The following ITGAD variants were observed in gnomAD, a reference collection of about 807,000 sequenced individuals.
ITGAD encodes the protein integrin alpha-D.
ITGAD carries 105 observed loss-of-function variants against 139.0 expected under a neutral mutation model. The ratio of observed to expected loss-of-function variants is 0.76; its 90% CI spans 0.65 to 0.89. The LOEUF is 0.89. Ranked by LOEUF, ITGAD falls within the 40% of genes least tolerant of loss-of-function variation. The probability of loss-of-function intolerance (pLI) is 0.00; values close to 1 mark genes in which losing one functional copy is unlikely to be tolerated. For missense variants in ITGAD, 1,384 were observed against 1,487.3 expected (o/e 0.93, Z 1.14); for synonymous variants, 569 against 598.3 (o/e 0.95, Z 0.71).
Position 31,403,765 on chromosome 16 carries a change from A to C in ITGAD, c.704+120A>C. On this transcript the variant is annotated intron_variant, in intron 7 of 29. Coordinates refer to ENST00000389202, the MANE Select transcript of ITGAD (RefSeq NM_005353.3). This position sits in a 1 kb window ranked among gnomAD's most constrained non-coding sequence, Gnocchi z 4.4. ...CCAGGGAAAGGGGCTACCAAGGGGC[A>C]TGTCGGGGCTGCAGGGAGAACCTCC... 1 of 1,309,018 alleles carries C rather than the reference A, an allele frequency of 7.6e-7. No individual in the cohort carries two copies. The highest frequency in any genetic ancestry group is 2.4e-5 in the East Asian group (1 of 42,552). 81.1% of individuals were successfully genotyped at this position (1,309,018 alleles called of 1,614,324 possible). A position where few individuals can be genotyped will look rare whatever the true frequency, so the allele number is the denominator to read the frequency against.
Position 31,411,214 on chromosome 16 carries a change from G to A in ITGAD, c.1495G>A (p.Gly499Arg). ...GQVSVCPLPR[G>R]RVQWQCDAVL... ...GGTGTCCGTGTGTCCCTTGCCTAGG[G>A]GGGTGAGTGGCTGATGGGACCTAGG... Residue 499 changes from glycine to arginine, a missense_variant and splice_region_variant, in exon 13 of 30, where the codon GGG becomes AGG. Coordinates refer to ENST00000389202, the MANE Select transcript of ITGAD (RefSeq NM_005353.3). 1.2e-6 allele frequency: 2 copies of A among 1,613,324 alleles called. No individual in the cohort carries two copies. Among genetic ancestry groups the A allele is most frequent in the Non-Finnish European group, 8.5e-7 (1 of 1,179,550 alleles).
At chr16:31,398,033 G>A (rs2081315699) in intron 5 of ITGAD, 124 bp downstream of exon 5, 1 of 668,098 alleles carries the variant, frequency 1.5e-6, no homozygotes. Flanking sequence ...TAGGAGAGAA[G>A]CCAGGAGAAG....
chr16:31,407,365 C>T (rs2081564090), intron 7 of ITGAD, 150 bp from the exon 8 acceptor site: 1 of 754,442 alleles, frequency 1.3e-6, no homozygotes, highest in Non-Finnish European at 2.1e-6. Context: ...CAAAAGAAAA[C>T]CCAAAACGGC....
At chr16:31,423,989 C>G (rs1388871552) in intron 27 of ITGAD, 31 bp downstream of exon 27, 2 of 1,610,366 alleles carry the variant, frequency 1.2e-6, no homozygotes, top group Non-Finnish European at 1.7e-6. Flanking sequence ...AGCCCCTGCC[C>G]CAGACTCAGG....
chr16:31,410,488 T>C lies in ITGAD; in HGVS notation c.1177T>C (p.Ser393Pro). The C allele has an allele frequency of 3.1e-6, 5 of 1,613,566 alleles. No homozygotes were observed. The highest frequency in any genetic ancestry group is 4.2e-6 in the Non-Finnish European group (5 of 1,179,860). ...TATGAGCCCCACCTTCATCAACATG[T>C]CTCAGGAGAATGTGGACATGAGGGA... ...PNMSPTFINM[S>P]QENVDMRDSY... The change falls in exon 11 of 30, where the codon TCT becomes CCT. Residue 393 changes from serine to proline, a missense_variant. Physicochemically the swap from Ser to Pro is moderately conservative, Grantham distance 74. Transcript: ENST00000389202.
chr16:31,418,580 C>T lies in ITGAD; in HGVS notation c.2780+16C>T. The stretch of plus-strand genomic sequence containing the variant: ...TGATCAGCAGGTGCCCAGTCCCTGG[C>T]CTTCCCCTTGGACCTCTGGCCTTCC... On this transcript the variant is annotated intron_variant, in intron 23 of 29. Transcript: ENST00000389202. 1 of 1,604,420 alleles carries T rather than the reference C, an allele frequency of 6.2e-7. No homozygotes were observed. The highest frequency in any genetic ancestry group is 8.5e-7 in the Non-Finnish European group (1 of 1,171,182).
In ITGAD at chr16:31,413,229, G is replaced by T. The variant is rs571120150; in HGVS notation, c.1979G>T (p.Ser660Ile). ...DATVCLTIQK[S>I]SLDQLGDIQS... ...ACCGTCTGTCTCACCATCCAGAAAAGCTCACTGGACCAGCTAGGTGTGTTT... is the reference window on the plus strand; with the variant it reads ...ACCGTCTGTCTCACCATCCAGAAAATCTCACTGGACCAGCTAGGTGTGTTT... Residue 660 changes from serine (S) to isoleucine (I), a missense_variant, in exon 16 of 30, where the codon AGC becomes ATC. Transcript: ENST00000389202. 24 of 1,614,112 alleles carry T rather than the reference G, an allele frequency of 1.5e-5. No homozygotes were observed. The Admixed American group carries it at 3.3e-4, about 22-fold the overall frequency.
chr16:31,404,738 G>A (rs1051300748), intron 7 of ITGAD: 2 of 152,218 alleles, frequency 1.3e-5, no homozygotes, highest in African/African-American at 4.8e-5. Context: ...GCCCATCTCA[G>A]GGCTGGACTC....
chr16:31,397,853 G>A lies in ITGAD; in HGVS notation c.371G>A (p.Cys124Tyr). 6.2e-7 allele frequency: 1 copy of A among 1,613,766 alleles called. No individual in the cohort carries two copies. The highest frequency in any genetic ancestry group is 1.3e-5 in the African/African-American group (1 of 75,048). Residue 124 changes from cysteine (C) to tyrosine (Y), a missense_variant, in exon 5 of 30, where the codon TGC (cysteine) becomes TAC (tyrosine). Cys to Tyr is a radical substitution (Grantham distance 194, BLOSUM62 -2). Coordinates refer to ENST00000389202, the MANE Select transcript of ITGAD (RefSeq NM_005353.3). ...CGENSYSKGS[C>Y]LLLGSRWEII... ...GAGAACTCATACTCAAAGGGTTCCT[G>A]CCTCCTGCTGGGCTCGCGCTGGGAG... is the stretch of plus-strand genomic sequence containing the variant.
intron 20 of ITGAD, 29 bp downstream of exon 20, chr16:31,416,675 G>A (rs1016070466): frequency 1.1e-5 from 17 of 1,585,526 alleles, no homozygotes; most frequent in Non-Finnish European, 1.5e-5. Context: ...TCTAGTGGGA[G>A]GGGGCCTCTC....
At position 31,411,082 on chromosome 16, in the gene ITGAD, T is replaced by G; in HGVS notation, c.1363T>G (p.Ser455Ala). 6.2e-7 allele frequency: 1 copy of G among 1,612,138 alleles called. No individual in the cohort carries two copies. Among genetic ancestry groups the G allele is most frequent in the Non-Finnish European group, 8.5e-7 (1 of 1,179,766 alleles). ...KAEVTGTQIG[S>A]YFGASLCSVD... ...CCCAGGCTCTGCCCTCCAGATCGGCTCCTACTTCGGGGCCTCCCTCTGCTC... is the reference window on the plus strand; with the variant it reads ...CCCAGGCTCTGCCCTCCAGATCGGCGCCTACTTCGGGGCCTCCCTCTGCTC... The change falls in exon 13 of 30, where the codon TCC becomes GCC. Residue 455 changes from serine to alanine, a missense_variant. Ser to Ala is a moderately conservative substitution (Grantham distance 99). Coordinates refer to ENST00000389202, the MANE Select transcript of ITGAD (RefSeq NM_005353.3).
Position 31,414,474 on chromosome 16 carries a change from T to C in ITGAD, c.2020T>C (p.Phe674Leu), listed in dbSNP as rs866616960. 4 of 1,614,224 alleles carry C rather than the reference T, an allele frequency of 2.5e-6. No homozygotes were observed. The Middle Eastern group carries it at 4.9e-4, about 200-fold the overall frequency. Residue 674 changes from phenylalanine to leucine, a missense_variant, in exon 17 of 30, where the codon TTT (phenylalanine) becomes CTT (leucine). Physicochemically the swap from Phe to Leu is conservative, Grantham distance 22 (BLOSUM62 0). Coordinates refer to ENST00000389202, the MANE Select transcript of ITGAD (RefSeq NM_005353.3). ...QLGDIQSSVRFDLALDPGRLT... is the reference protein window; with the variant it reads ...QLGDIQSSVRLDLALDPGRLT... ...AGGTGACATCCAAAGCTCTGTCAGGTTTGATCTGGCACTGGACCCAGGTCG... is the reference window on the plus strand; with the variant it reads ...AGGTGACATCCAAAGCTCTGTCAGGCTTGATCTGGCACTGGACCCAGGTCG...
intron 5 of ITGAD, 97 bp from the exon 6 acceptor site, chr16:31,402,018 G>A (rs905835545): frequency 2.9e-6 from 4 of 1,397,302 alleles, no homozygotes; most frequent in South Asian, 1.3e-5. Context: ...ACTAGGTGGG[G>A]ATGCCAAGAA....
Position 31,407,431 on chromosome 16 carries a change from C to A in ITGAD, c.705-84C>A. On this transcript the variant is annotated intron_variant, in intron 7 of 29. Coordinates refer to ENST00000389202, the MANE Select transcript of ITGAD (RefSeq NM_005353.3). The stretch of plus-strand genomic sequence containing the variant: ...TGTGAGGGTGCCAGGACTCCCCAGC[C>A]TCTCCAGATGAGAGGACTGCAAATG... The A allele has an allele frequency of 3.0e-6, 4 of 1,327,662 alleles. No individual in the cohort carries two copies. The Admixed American group carries it at 6.9e-5, about 23-fold the overall frequency. The allele number at this position is 1,327,662 out of a possible 1,614,324, so 82.2% of individuals were successfully genotyped here.
At position 31,423,687 on chromosome 16, in the gene ITGAD, C is replaced by A. The variant is rs192938535; in HGVS notation, c.3045+39C>A. 1.8e-5 allele frequency: 28 copies of A among 1,582,790 alleles called. No homozygotes were observed. In the African/African-American group the frequency reaches 3.2e-4, roughly 18 times the overall value. ...TGAACCCCCACCGCCAAGATCAGCC[C>A]CCACCGGGGATACTGGGAAATGTAC... On this transcript the variant is annotated intron_variant, in intron 26 of 29. Transcript: ENST00000389202.
At chr16:31,411,947 ATATAT>A (rs1393829709) in intron 14 of ITGAD, among the ~76,000 whole-genome samples, 1 of 152,186 alleles carries the variant, frequency 6.6e-6, no homozygotes, top group African/African-American at 2.4e-5. Flanking sequence ...GAATACACAA[ATATAT>A]TATACGCCTA....
At chr16:31,413,541 C>G (rs188912214) in intron 16 of ITGAD, among the ~76,000 whole-genome samples, 25 of 152,332 alleles carry the variant, frequency 1.6e-4, no homozygotes, top group Middle Eastern at 3.4e-3. Context: ...GTTCCCACAT[C>G]TCTTCTTGCA....
intron 5 of ITGAD, among the ~76,000 whole-genome samples, chr16:31,401,809 C>T (rs1222757266): frequency 6.6e-6 from 1 of 152,256 alleles, no homozygotes; most frequent in African/African-American, 2.4e-5. Context: ...AACACGCGCC[C>T]TGAACCACTT....
chr16:31,415,864 T>C (rs1597150168), intron 18 of ITGAD, among the ~76,000 whole-genome samples: 2 of 152,306 alleles, frequency 1.3e-5, no homozygotes, highest in African/African-American at 4.8e-5. Context: ...TGTAGTTTCT[T>C]TGAGCATAGG....
Sources: allele counts gnomAD v4.1 joint callset (sites outside exome capture counted in the v4.1 genomes callset), GRCh38; gene constraint gnomAD v4.1.1; non-coding constraint Gnocchi (gnomAD v3.1); transcripts MANE v1.5; gene names NCBI Gene and HGNC (gene_info 2026-07-23, HGNC 2026-07-21).